ANAPC1: variants seen among roughly 807,000 people sequenced by gnomAD.
ANAPC1 encodes the protein anaphase promoting complex subunit 1, also known as anaphase-promoting complex subunit 1.
A neutral mutation model predicts 208.0 loss-of-function variants in ANAPC1; 36 were observed. That is an observed-to-expected ratio of 0.17 (90% CI 0.13 to 0.23). The LOEUF is 0.23. Among genes scored for constraint, ANAPC1 ranks in the 10% least tolerant of loss-of-function variants. ANAPC1 has a pLI of 1.00. For synonymous variants in ANAPC1, 378 were observed against 695.2 expected, an observed-to-expected ratio of 0.54 and a Z score of 7.18; for missense variants, 942 against 2,011.6, an observed-to-expected ratio of 0.47 and a Z score of 10.17.
At chr2:111,788,418 G>A in intron 38 of ANAPC1, 98 bp from the exon 39 acceptor site, 1 of 1,507,338 alleles carries the variant, frequency 6.6e-7, no homozygotes, top group East Asian at 2.5e-5. Context: ...TAATAGTAAG[G>A]CATACTGATA....
rs751099805 is a variant in ANAPC1, at chr2:111,873,442, T to C, written c.428-34A>G. ...AAAGGGTACAACAAGACTTATGTGT[T>C]TTTTCCCTCAAAGGAGTTCAATCCT... On this transcript the variant is annotated intron_variant, in intron 4 of 47. Coordinates refer to ENST00000341068, the MANE Select transcript of ANAPC1 (RefSeq NM_022662.4). 54 of 1,596,564 alleles carry C rather than the reference T, an allele frequency of 3.4e-5. No individual in the cohort carries two copies. In the Admixed American group the frequency reaches 9.7e-4, roughly 29 times the overall value.
chr2:111,769,929 G>A (rs543791390), intron 47 of ANAPC1, among the ~76,000 whole-genome samples: 79 of 151,742 alleles, frequency 5.2e-4, no homozygotes, highest in Non-Finnish European at 6.2e-4. Context: ...TGATCCGCCC[G>A]CCTCGGCCTC....
intron 21 of ANAPC1, among the ~76,000 whole-genome samples, chr2:111,830,344 A>C (rs1680067864): frequency 6.6e-6 from 1 of 152,096 alleles, no homozygotes; most frequent in Non-Finnish European, 1.5e-5. Flanking sequence ...AAATAATAAA[A>C]ACCTTGACTT....
At chr2:111,776,018 T>A (rs1676990772) in intron 46 of ANAPC1, among the ~76,000 whole-genome samples, 1 of 151,750 alleles carries the variant, frequency 6.6e-6, no homozygotes, top group Non-Finnish European at 1.5e-5. Context: ...TTTCAGAAAT[T>A]TATTTCCTAG....
At chr2:111,789,502 T>C (rs1677759469) in intron 38 of ANAPC1, among the ~76,000 whole-genome samples, 1 of 145,882 alleles carries the variant, frequency 6.9e-6, no homozygotes, top group Non-Finnish European at 1.5e-5. Flanking sequence ...ATTGGAGTAT[T>C]AAATAAGGAC....
chr2:111,778,076 A>G (rs1283296947), intron 45 of ANAPC1, among the ~76,000 whole-genome samples: 5 of 152,276 alleles, frequency 3.3e-5, no homozygotes, highest in African/African-American at 1.2e-4. Context: ...AAGATATGAT[A>G]ATACTGAAAA....
chr2:111,853,667 T>C (rs148132071), intron 13 of ANAPC1, among the ~76,000 whole-genome samples: 7,386 of 151,228 alleles, frequency 0.049, 568 homozygotes, highest in African/African-American at 0.16. Context: ...CCTCCTCCCA[T>C]GGATCATGAA....
At chr2:111,873,942 GAAGAC>G (rs1160516637) in intron 3 of ANAPC1, among the ~76,000 whole-genome samples, 2 of 151,896 alleles carry the variant, frequency 1.3e-5, no homozygotes, top group East Asian at 3.9e-4. Flanking sequence ...TACAAAAAGA[GAAGAC>G]AAGAATCAAA....
Position 111,837,705 on chromosome 2 carries a change from A to T in ANAPC1, c.2115+733T>A, listed in dbSNP as rs1680545582. Among the ~76,000 whole-genome samples the T allele has an allele frequency of 2.0e-5, 3 of 152,182 alleles. No homozygotes were observed. In the South Asian group the frequency reaches 6.2e-4, roughly 32 times the overall value. On this transcript the variant is annotated intron_variant, in intron 18 of 47. Coordinates refer to ENST00000341068, the MANE Select transcript of ANAPC1 (RefSeq NM_022662.4). ...AGGTTACATGAGTGTGCATATATTA[A>T]AACTGATCAAACTAAACCCAAGCTG...
intron 2 of ANAPC1, among the ~76,000 whole-genome samples, chr2:111,879,198 A>G (rs1023255273): frequency 6.6e-6 from 1 of 152,210 alleles, no homozygotes; most frequent in Non-Finnish European, 1.5e-5. Flanking sequence ...TTATTCCTCT[A>G]TATTACTCTG....
intron 13 of ANAPC1, among the ~76,000 whole-genome samples, chr2:111,856,096 G>C (rs970165004): frequency 6.6e-6 from 1 of 152,094 alleles, no homozygotes; most frequent in Non-Finnish European, 1.5e-5. Context: ...TTAGCCAGGC[G>C]TGGTGGCAGG....
Position 111,880,630 on chromosome 2 carries a change from T to C in ANAPC1, c.196A>G (p.Ile66Val), listed in dbSNP as rs1683251978. The part of the protein sequence containing the change: ...GLVGSLQEVT[I>V]HEKQKESWQL... ...AATGGAACCTTCTGTTTCTCGTGGATTGTAACCTCCTGAAGGGATCCCACC... is the reference window on the plus strand; with the variant it reads ...AATGGAACCTTCTGTTTCTCGTGGACTGTAACCTCCTGAAGGGATCCCACC... Residue 66 changes from isoleucine to valine, a missense_variant, in exon 2 of 48, where the codon ATC becomes GTC. Ile to Val is a conservative substitution (Grantham distance 29). Coordinates refer to ENST00000341068, the MANE Select transcript of ANAPC1 (RefSeq NM_022662.4). 3 of 1,611,914 alleles carry C rather than the reference T, an allele frequency of 1.9e-6. No homozygotes were observed. Among genetic ancestry groups the C allele is most frequent in the Non-Finnish European group, 1.7e-6 (2 of 1,179,506 alleles).
intron 6 of ANAPC1, among the ~76,000 whole-genome samples, chr2:111,870,973 A>G (rs1189132672): frequency 6.6e-6 from 1 of 152,140 alleles, no homozygotes; most frequent in Non-Finnish European, 1.5e-5. Context: ...ATGTTTTTGT[A>G]AGCTTGTTTG....
chr2:111,834,928 A>G (rs1409365718), intron 18 of ANAPC1, 56 bp from the exon 19 acceptor site: 24 of 1,290,510 alleles, frequency 1.9e-5, no homozygotes, highest in Non-Finnish European at 2.2e-5. Context: ...TTATAATATC[A>G]TAAGAAAATT....
In ANAPC1 at chr2:111,863,962, C is replaced by T. The variant is rs953148670; in HGVS notation, c.832-67G>A. 6.7e-6 allele frequency: 10 copies of T among 1,484,124 alleles called. No individual in the cohort carries two copies. The African/African-American group carries it at 1.4e-4, about 21-fold the overall frequency. 91.9% of individuals were successfully genotyped at this position (1,484,124 alleles called of 1,614,324 possible). A position where few individuals can be genotyped will look rare whatever the true frequency, so the allele number is the denominator to read the frequency against. ...ATAATTAGAATAAAGTAGCAATTTC[C>T]TTGTAAGAATGCAAGTTGAAGTCAG... is the stretch of plus-strand genomic sequence containing the variant. On this transcript the variant is annotated intron_variant, in intron 8 of 47. Transcript: ENST00000341068.
rs188714846 is a variant in ANAPC1 at position 111,838,339 on chromosome 2, T to A, written c.2115+99A>T. On this transcript the variant is annotated intron_variant, in intron 18 of 47. Transcript: ENST00000341068. ...ATTAAAATAAATAAAGTGAAAGGTG[T>A]TGGAAAGATAGAGGAATTGATAGGA... 1.2e-4 allele frequency: 105 copies of A among 887,678 alleles called. No individual in the cohort carries two copies. The East Asian group carries it at 2.7e-3, about 23-fold the overall frequency. 55.0% of individuals were successfully genotyped at this position (887,678 alleles called of 1,614,324 possible). A position where few individuals can be genotyped will look rare whatever the true frequency, so the allele number is the denominator to read the frequency against.
At chr2:111,875,180 G>C (rs986501713) in intron 3 of ANAPC1, among the ~76,000 whole-genome samples, 1 of 152,206 alleles carries the variant, frequency 6.6e-6, no homozygotes, top group African/African-American at 2.4e-5. Context: ...GCGAAGCTGA[G>C]CATCTTTTCA....
At chr2:111,848,569 G>C (rs1681218222) in intron 14 of ANAPC1, among the ~76,000 whole-genome samples, 2 of 152,106 alleles carry the variant, frequency 1.3e-5, no homozygotes, top group Non-Finnish European at 2.9e-5. Context: ...TTGAGGTCAA[G>C]AGTTCAAGAC....
chr2:111,775,326 T>C (rs1308629956), intron 46 of ANAPC1, among the ~76,000 whole-genome samples: 1 of 152,162 alleles, frequency 6.6e-6, no homozygotes, highest in Non-Finnish European at 1.5e-5. Context: ...TTCAGATTAG[T>C]GTAGTGATTT....
Sources: allele counts gnomAD v4.1 joint callset (sites outside exome capture counted in the v4.1 genomes callset), GRCh38; gene constraint gnomAD v4.1.1; transcripts MANE v1.5; gene names NCBI Gene and HGNC (gene_info 2026-07-23, HGNC 2026-07-21).